The following MAP2 variants were observed in gnomAD, a reference collection of about 807,000 sequenced individuals.
The protein encoded by MAP2 is microtubule associated protein 2.
A neutral mutation model predicts 137.6 loss-of-function variants in MAP2; 14 were observed. That is an observed-to-expected ratio of 0.10 (90% CI 0.07 to 0.16). The LOEUF (loss-of-function observed/expected upper bound fraction) is 0.16. Among genes scored for constraint, MAP2 ranks in the 10% least tolerant of loss-of-function variants. MAP2 has a pLI of 1.00. For missense variants in MAP2, 2,088 were observed against 2,191.5 expected (o/e 0.95, Z 0.94); for synonymous variants, 786 against 782.3 (o/e 1.00, Z -0.08).
intron 1 of MAP2, among the ~76,000 whole-genome samples, chr2:209,456,201 G>A (rs1384659484): frequency 4.6e-5 from 7 of 152,078 alleles, no homozygotes; most frequent in South Asian, 2.1e-4. Flanking sequence ...TTCAGGAATC[G>A]GAAAGGATTT....
At chr2:209,644,878 G>A (rs2094314661) in intron 4 of MAP2, among the ~76,000 whole-genome samples, 3 of 142,430 alleles carry the variant, frequency 2.1e-5, no homozygotes, top group Non-Finnish European at 4.4e-5. Context: ...TTAGTAAAAT[G>A]TATTTCTGAT....
intron 7 of MAP2, among the ~76,000 whole-genome samples, chr2:209,687,071 A>G (rs2057282328): frequency 1.3e-5 from 2 of 151,956 alleles, no homozygotes; most frequent in African/African-American, 2.4e-5. Flanking sequence ...AGAAAGAGCT[A>G]TGCTGACTGC....
At chr2:209,461,241 G>A (rs555906432) in intron 1 of MAP2, among the ~76,000 whole-genome samples, 4 of 152,206 alleles carry the variant, frequency 2.6e-5, no homozygotes, top group South Asian at 4.2e-4. Flanking sequence ...TGAACTACAT[G>A]ACTACTTACA....
chr2:209,461,989 G>GGGGC (rs1702935336), intron 1 of MAP2, among the ~76,000 whole-genome samples: 2 of 151,944 alleles, frequency 1.3e-5, no homozygotes, highest in African/African-American at 4.8e-5. Flanking sequence ...TGGTTTAGAT[G>GGGGC]CCTTTAGCAT....
At chr2:209,552,983 CAG>C (rs2069555977) in intron 2 of MAP2, among the ~76,000 whole-genome samples, 1 of 151,536 alleles carries the variant, frequency 6.6e-6, no homozygotes, top group South Asian at 2.1e-4. Flanking sequence ...TGTCACAAAA[CAG>C]AGTTAAAACA....
chr2:209,579,274 C>CGTGT (rs2075856137), intron 2 of MAP2: 1 of 78,864 alleles, frequency 1.3e-5, no homozygotes, highest in Admixed American at 1.8e-4. Context: ...TGTGTGCGTG[C>CGTGT]GTGCGTGCGT....
intron 1 of MAP2, among the ~76,000 whole-genome samples, chr2:209,460,000 A>G (rs1226568553): frequency 6.6e-6 from 1 of 152,218 alleles, no homozygotes; most frequent in African/African-American, 2.4e-5. Flanking sequence ...ATTAACTGAT[A>G]TTCTATGAGT....
intron 2 of MAP2, among the ~76,000 whole-genome samples, chr2:209,524,416 A>T (rs1194036853): frequency 6.6e-6 from 1 of 152,042 alleles, no homozygotes; most frequent in Non-Finnish European, 1.5e-5. Flanking sequence ...AGAGATATAC[A>T]TTGGAATCAT....
At chr2:209,463,863 G>A (rs945727077) in intron 1 of MAP2, among the ~76,000 whole-genome samples, 5 of 152,174 alleles carry the variant, frequency 3.3e-5, no homozygotes, top group African/African-American at 1.2e-4. Context: ...AGGAGAGACT[G>A]TAGATTCAGT....
chr2:209,564,556 TAA>T (rs757367849), intron 2 of MAP2, among the ~76,000 whole-genome samples: 144 of 55,992 alleles, frequency 2.6e-3, no homozygotes, highest in African/African-American at 6.9e-3. Context: ...CTCTGTGGAG[TAA>T]AAAAAAAAAA....
At chr2:209,434,448 G>A (rs948555444) in intron 1 of MAP2, among the ~76,000 whole-genome samples, 1 of 151,506 alleles carries the variant, frequency 6.6e-6, no homozygotes, top group Non-Finnish European at 1.5e-5. Flanking sequence ...CTCTTTCCTT[G>A]ACTTCTGTTT....
In MAP2 at chr2:209,693,069, A is replaced by G. The variant is rs775436216; in HGVS notation, c.899A>G (p.Asp300Gly). ...TPMREKDVFD[D>G]IPKWEGKQFD... Reference sequence around the variant, plus strand: ...ATGAGGGAAAAAGATGTATTTGATGATATCCCAAAATGGGAAGGGAAACAG... The same window carrying G: ...ATGAGGGAAAAAGATGTATTTGATGGTATCCCAAAATGGGAAGGGAAACAG... The change falls in exon 8 of 16, where the codon GAT becomes GGT. Residue 300 changes from aspartate to glycine, a missense_variant. By Grantham distance (94) the Asp-to-Gly change is moderately conservative. Transcript: ENST00000682079. The G allele has an allele frequency of 1.9e-6, 3 of 1,613,214 alleles. No homozygotes were observed. Among genetic ancestry groups the G allele is most frequent in the Non-Finnish European group, 2.5e-6 (3 of 1,179,712 alleles).
chr2:209,728,012 T>C (rs2074698892), intron 14 of MAP2, among the ~76,000 whole-genome samples: 1 of 152,180 alleles, frequency 6.6e-6, no homozygotes, highest in African/African-American at 2.4e-5. Flanking sequence ...TGCACACCTG[T>C]AGTCCTAGCT....
intron 13 of MAP2, among the ~76,000 whole-genome samples, chr2:209,716,162 TATTCCATTATATA>T (rs1243138874): frequency 3.3e-5 from 5 of 152,258 alleles, no homozygotes; most frequent in African/African-American, 1.2e-4. Context: ...TTTCATTAAA[TATTCCATTATATA>T]ATTAGTAATT....
chr2:209,626,616 A>C (rs2092361181), intron 4 of MAP2, among the ~76,000 whole-genome samples: 1 of 152,186 alleles, frequency 6.6e-6, no homozygotes, highest in Non-Finnish European at 1.5e-5. Context: ...TGTGTGTTCT[A>C]ACACTGCTAT....
chr2:209,680,608 A>T, intron 6 of MAP2, 142 bp from the exon 7 acceptor site: 1 of 702,734 alleles, frequency 1.4e-6, no homozygotes, highest in Non-Finnish European at 2.5e-6. Flanking sequence ...TGGGCCTATA[A>T]ATAAACCAAA....
rs138347386 is a variant in MAP2, at chr2:209,599,927, A to G, written c.-107+19827A>G. Among the ~76,000 whole-genome samples the G allele has an allele frequency of 5.2e-3, 788 of 152,310 alleles. 10 individuals are homozygous for G. The highest frequency in any genetic ancestry group is 0.018 in the African/African-American group (763 of 41,576). ...GTTAATGAAGATAATTTACAGAGAA[A>G]AAGTTATATAATTAGTAGTAATTAC... is the stretch of plus-strand genomic sequence containing the variant. On this transcript the variant is annotated intron_variant, in intron 3 of 15. Transcript: ENST00000682079.
intron 2 of MAP2, among the ~76,000 whole-genome samples, chr2:209,510,676 A>G (rs1010060097): frequency 5.3e-5 from 8 of 152,076 alleles, no homozygotes; most frequent in African/African-American, 1.9e-4. Flanking sequence ...AGAATATAAA[A>G]TAGGAAACAG....
At chr2:209,561,296 G>C (rs952176109) in intron 2 of MAP2, among the ~76,000 whole-genome samples, 1 of 152,214 alleles carries the variant, frequency 6.6e-6, no homozygotes, top group Non-Finnish European at 1.5e-5. Flanking sequence ...TGGCAAAGAA[G>C]GTGATTGGGT....
Sources: gnomAD v4.1 joint callset for allele counts (sites outside exome capture counted in the v4.1 genomes callset) on GRCh38, gnomAD v4.1.1 for gene constraint, MANE v1.5 for transcripts, NCBI Gene and HGNC (gene_info 2026-07-23, HGNC 2026-07-21) for gene names.